AFDN: variants seen among roughly 807,000 people sequenced by gnomAD.
AFDN encodes the protein afadin, adherens junction formation factor.
A neutral mutation model predicts 216.6 loss-of-function variants in AFDN; 68 were observed. The observed-to-expected ratio is 0.31, with a 90% CI of 0.26 to 0.38. The LOEUF (loss-of-function observed/expected upper bound fraction) is 0.38. AFDN is among the 10% of genes least tolerant of loss of function. AFDN has a pLI of 1.00. For synonymous variants in AFDN, 868 were observed against 853.7 expected, an observed-to-expected ratio of 1.02 and a Z score of -0.29; for missense variants, 2,136 against 2,342.0, an observed-to-expected ratio of 0.91 and a Z score of 1.82.
intron 2 of AFDN, among the ~76,000 whole-genome samples, chr6:167,869,341 G>T (rs1784545349): frequency 6.6e-6 from 1 of 151,946 alleles, no homozygotes; most frequent in African/African-American, 2.4e-5. Flanking sequence ...TCTGAAAGAG[G>T]CATTTCTAAA....
At chr6:167,857,838 A>G (rs1432235414) in intron 1 of AFDN, among the ~76,000 whole-genome samples, 1 of 152,140 alleles carries the variant, frequency 6.6e-6, no homozygotes, top group Non-Finnish European at 1.5e-5. Flanking sequence ...AGCCTTCACT[A>G]GATGTCCAAA....
chr6:167,880,512 G>T lies in AFDN; in HGVS notation c.892G>T (p.Ala298Ser), dbSNP rs764123133. The change falls in exon 6 of 34, where the codon GCC becomes TCC. Residue 298 changes from alanine to serine, a missense_variant. Physicochemically the swap from Ala to Ser is moderately conservative, Grantham distance 99. Around this residue, in one of 8 missense-constraint regions of AFDN, gnomAD observed 817 missense variants for 965.7 expected, o/e 0.85. Transcript: ENST00000683244. Reference sequence around the variant, plus strand: ...AGAAAACCCTAAGGATTACTGCATCGCCCGGGTAAGGAACTTTATCAAATC... The same window carrying T: ...AGAAAACCCTAAGGATTACTGCATCTCCCGGGTAAGGAACTTTATCAAATC... ...EKENPKDYCI[A>S]RVMLPPGAQH... The T allele has an allele frequency of 3.1e-6, 5 of 1,613,058 alleles. No individual in the cohort carries two copies. Among genetic ancestry groups the T allele is most frequent in the Admixed American group, 3.3e-5 (2 of 59,902 alleles).
intron 31 of AFDN, 100 bp from the exon 32 acceptor site, chr6:167,965,657 G>A (rs1242415261): frequency 3.5e-6 from 4 of 1,126,912 alleles, no homozygotes; most frequent in South Asian, 3.3e-5. Flanking sequence ...AAACTTTGAC[G>A]TCAGTGTGAT....
intron 11 of AFDN, among the ~76,000 whole-genome samples, chr6:167,901,820 GGTGGCTCATGCCT>G (rs1025192458): frequency 1.3e-5 from 2 of 152,010 alleles, no homozygotes; most frequent in African/African-American, 4.8e-5. Flanking sequence ...GGCCGGGCGT[GGTGGCTCATGCCT>G]GTAATCCCCA....
At chr6:167,926,695 CA>C (rs1792581014) in intron 23 of AFDN, among the ~76,000 whole-genome samples, 1 of 152,220 alleles carries the variant, frequency 6.6e-6, no homozygotes, top group Non-Finnish European at 1.5e-5. Flanking sequence ...TTCGGCCTCC[CA>C]AAGTGCTAAC....
chr6:167,835,990 A>G (rs1480584864), intron 1 of AFDN, among the ~76,000 whole-genome samples: 1 of 152,222 alleles, frequency 6.6e-6, no homozygotes, highest in African/African-American at 2.4e-5. Flanking sequence ...GCTCATTATT[A>G]TGGAAGTATA....
intron 5 of AFDN, among the ~76,000 whole-genome samples, chr6:167,878,635 AC>A (rs1423141463): frequency 6.6e-6 from 1 of 150,990 alleles, no homozygotes; most frequent in East Asian, 1.9e-4. Flanking sequence ...TACACATAGA[AC>A]TTAAACCCTT....
At chr6:167,937,945 G>A (rs934151315) in intron 23 of AFDN, among the ~76,000 whole-genome samples, 1 of 152,192 alleles carries the variant, frequency 6.6e-6, no homozygotes, top group African/African-American at 2.4e-5. Flanking sequence ...TAAACTATAA[G>A]TCAACCTAAT....
chr6:167,925,659 T>A lies in AFDN; in HGVS notation c.3099+568T>A, dbSNP rs641668. 3.3e-3 allele frequency among the ~76,000 whole-genome samples: 510 copies of A among 152,320 alleles called. 2 individuals carry two copies. The highest frequency in any genetic ancestry group is 4.8e-3 in the Non-Finnish European group (324 of 68,026). ...GACTGCTGGACCACCCTCCTGGAAT[T>A]CTTGGGGTTTGAATCCCTTCACCTG... On this transcript the variant is annotated intron_variant, in intron 23 of 33. Coordinates refer to ENST00000683244, the MANE Select transcript of AFDN (RefSeq NM_001386888.1).
At position 167,935,298 on chromosome 6, in the gene AFDN, A is replaced by G. The variant is rs182316404; in HGVS notation, c.3100-7831A>G. ...TTCCTTTTTGCGTGTTTTTTAAAGGATACAAGATCTAAATCTTCTGCCAGT... is the reference window on the plus strand; with the variant it reads ...TTCCTTTTTGCGTGTTTTTTAAAGGGTACAAGATCTAAATCTTCTGCCAGT... On this transcript the variant is annotated intron_variant, in intron 23 of 33. Coordinates refer to ENST00000683244, the MANE Select transcript of AFDN (RefSeq NM_001386888.1). 3.9e-3 allele frequency among the ~76,000 whole-genome samples: 601 copies of G among 152,288 alleles called. 3 individuals carry two copies. The highest frequency in any genetic ancestry group is 7.0e-3 in the Non-Finnish European group (474 of 68,024).
At chr6:167,950,152 T>C (rs1795800994) in intron 29 of AFDN, among the ~76,000 whole-genome samples, 1 of 152,252 alleles carries the variant, frequency 6.6e-6, no homozygotes, top group Non-Finnish European at 1.5e-5. Flanking sequence ...GTTCCATTTT[T>C]CTGTGAGACT....
chr6:167,924,810 A>G (rs1792293524), intron 22 of AFDN, 195 bp from the exon 23 acceptor site: 3 of 604,366 alleles, frequency 5.0e-6, no homozygotes, highest in Non-Finnish European at 9.1e-6. Context: ...TGAGTCAAGA[A>G]TATCGATTTA....
chr6:167,840,510 C>A (rs531891358), intron 1 of AFDN, among the ~76,000 whole-genome samples: 1 of 152,218 alleles, frequency 6.6e-6, no homozygotes, highest in African/African-American at 2.4e-5. Flanking sequence ...GGGGCTCATT[C>A]TTGAACCATA....
intron 21 of AFDN, among the ~76,000 whole-genome samples, chr6:167,920,521 C>T (rs555327978): frequency 6.6e-6 from 1 of 152,130 alleles, no homozygotes; most frequent in Non-Finnish European, 1.5e-5. Context: ...TTACTTAGAG[C>T]GTTAGTCCTC....
At chr6:167,829,149 T>C (rs1240960407) in intron 1 of AFDN, among the ~76,000 whole-genome samples, 1 of 152,174 alleles carries the variant, frequency 6.6e-6, no homozygotes, top group Non-Finnish European at 1.5e-5. Context: ...TTTCCATTTT[T>C]AGAAATTATT....
In AFDN at chr6:167,924,989, T is replaced by C. The variant is rs1220350287; in HGVS notation, c.3013-16T>C. On this transcript the variant is annotated splice_polypyrimidine_tract_variant and intron_variant, in intron 22 of 33. Coordinates refer to ENST00000683244, the MANE Select transcript of AFDN (RefSeq NM_001386888.1). ...CCATTTCAGTCATAAAATAAACCTT[T>C]GTTTTCATCCTTTAGGCTCAGCCTC... 1 of 1,585,564 alleles carries C rather than the reference T, an allele frequency of 6.3e-7. No homozygotes were observed. Among genetic ancestry groups the C allele is most frequent in the African/African-American group, 1.3e-5 (1 of 74,336 alleles).
intron 12 of AFDN, 100 bp from the exon 13 acceptor site, chr6:167,907,071 G>C: frequency 1.2e-6 from 1 of 838,454 alleles, no homozygotes. Flanking sequence ...TGCCTGCCCT[G>C]CTTGGCAGCC....
chr6:167,943,615 C>A, intron 25 of AFDN, 140 bp downstream of exon 25: 1 of 632,408 alleles, frequency 1.6e-6, no homozygotes, highest in Non-Finnish European at 2.8e-6. Flanking sequence ...CGTGACATTT[C>A]ACTTGTTATC....
chr6:167,903,927 C>T (rs898709195), intron 12 of AFDN, among the ~76,000 whole-genome samples: 43 of 152,204 alleles, frequency 2.8e-4, no homozygotes, highest in African/African-American at 9.7e-4. Context: ...CAACCACGTA[C>T]TTGATGCACT....
Sources: gnomAD v4.1 joint callset for allele counts (sites outside exome capture counted in the v4.1 genomes callset) on GRCh38, gnomAD v4.1.1 for gene constraint, gnomAD v4.1.1 regional missense constraint, MANE v1.5 for transcripts, NCBI Gene and HGNC (gene_info 2026-07-23, HGNC 2026-07-21) for gene names.